Variants in TRAPPC10 observed in about 807,000 individuals in gnomAD.
TRAPPC10 encodes the protein TRAPP 130 kDa subunit.
TRAPPC10 carries 23 observed loss-of-function variants against 125.5 expected under a neutral mutation model. That is an observed-to-expected ratio of 0.18 (90% CI 0.13 to 0.26). The LOEUF (loss-of-function observed/expected upper bound fraction) is 0.26, where lower values mean the gene tolerates loss of function less well. Ranked by LOEUF, TRAPPC10 falls within the 10% of genes least tolerant of loss-of-function variation. The pLI, the probability that TRAPPC10 is intolerant of heterozygous loss-of-function variation, is 1.00. For synonymous variants in TRAPPC10, 509 were observed against 518.0 expected, an observed-to-expected ratio of 0.98 and a Z score of 0.24; for missense variants, 1,123 against 1,308.4, an observed-to-expected ratio of 0.86 and a Z score of 2.19.
chr21:44,087,767 GC>G lies in TRAPPC10; in HGVS notation c.2609del (p.Ala870GlyfsTer6). 6.2e-7 allele frequency: 1 copy of G among 1,614,222 alleles called. No homozygotes were observed. The highest frequency in any genetic ancestry group is 8.5e-7 in the Non-Finnish European group (1 of 1,180,048). ...GGTCACGAGCATCAGTCTGCCTGTT[GC>G]GCCTGCGTACCACGTGATCGAATTT... ...DKVTSISLPV[A>X]PAYHVIEFEL... On this transcript the variant is annotated frameshift_variant, in exon 17 of 23. Transcript: ENST00000291574. LOFTEE classifies it high-confidence loss of function. This position sits in a 1 kb window ranked among gnomAD's most constrained non-coding sequence, Gnocchi z 4.6.
intron 6 of TRAPPC10, chr21:44,062,920 G>GGA: frequency 8.0e-7 from 1 of 1,251,666 alleles, no homozygotes; most frequent in Non-Finnish European, 1.0e-6. Flanking sequence ...ACATTGTTAT[G>GGA]CTTATTTTAA....
Position 44,059,210 on chromosome 21 carries a change from CG to C in TRAPPC10, c.790+1del. On this transcript the variant is annotated frameshift_variant, in exon 6 of 23. Coordinates refer to ENST00000291574, the MANE Select transcript of TRAPPC10 (RefSeq NM_003274.5). LOFTEE classifies it high-confidence loss of function. This position sits in a 1 kb window ranked among gnomAD's most constrained non-coding sequence, Gnocchi z 4.4. ...FSQYVVNFGA[G>X]DGANWLTFFC... ...CTCAGTATGTGGTCAACTTCGGGGC[CG>C]GGGGTGAGTAGTGGCACTTCAGTAA... 2 of 1,604,124 alleles carry C rather than the reference CG, an allele frequency of 1.2e-6. No individual in the cohort carries two copies. The highest frequency in any genetic ancestry group is 1.7e-6 in the Non-Finnish European group (2 of 1,175,910).
chr21:44,041,992 A>T (rs950529112), intron 3 of TRAPPC10, among the ~76,000 whole-genome samples: 1 of 152,172 alleles, frequency 6.6e-6, no homozygotes, highest in African/African-American at 2.4e-5. Flanking sequence ...GATTACAGGC[A>T]TGAACCACGG....
At chr21:44,041,246 T>C (rs1156619884) in intron 3 of TRAPPC10, among the ~76,000 whole-genome samples, 1 of 152,356 alleles carries the variant, frequency 6.6e-6, no homozygotes, top group East Asian at 1.9e-4. Context: ...GGTACTTTTT[T>C]GTAACTCTTT....
intron 1 of TRAPPC10, 67 bp from the exon 2 acceptor site, chr21:44,032,024 C>A: frequency 7.6e-7 from 1 of 1,310,668 alleles, no homozygotes; most frequent in Non-Finnish European, 1.1e-6. Flanking sequence ...ATTTATTAAG[C>A]TCTAGAGCCA....
intron 3 of TRAPPC10, among the ~76,000 whole-genome samples, chr21:44,044,658 G>GTT (rs1569161620): frequency 7.8e-6 from 1 of 127,596 alleles, no homozygotes; most frequent in African/African-American, 3.2e-5. Context: ...AGAAAATCAT[G>GTT]TCTTTTTTTT....
intron 1 of TRAPPC10, among the ~76,000 whole-genome samples, chr21:44,014,906 A>G (rs1253451067): frequency 6.6e-6 from 1 of 152,128 alleles, no homozygotes; most frequent in Non-Finnish European, 1.5e-5. Flanking sequence ...TCCCACTTGA[A>G]ATTATGTTGT....
chr21:44,080,157 A>G (rs1434214224), intron 13 of TRAPPC10, 30 bp downstream of exon 13: 1 of 1,541,210 alleles, frequency 6.5e-7, no homozygotes, highest in East Asian at 2.2e-5. Flanking sequence ...CTTGACTAGG[A>G]ATATTTTCAA....
chr21:44,057,935 T>C (rs2035732813), intron 5 of TRAPPC10, among the ~76,000 whole-genome samples: 1 of 152,316 alleles, frequency 6.6e-6, no homozygotes, highest in African/African-American at 2.4e-5. Context: ...CTCCTGGTCT[T>C]TACTTTTTAA....
Position 44,082,990 on chromosome 21 carries a change from G to A in TRAPPC10, c.1926G>A (p.Ala642=), listed in dbSNP as rs2037865491. The change falls in exon 14 of 23, where the codon GCG becomes GCA. Residue 642 remains alanine (A), a synonymous_variant. Transcript: ENST00000291574. This position sits in a 1 kb window ranked among gnomAD's most constrained non-coding sequence, Gnocchi z 4.4. ...AGAAAAACAGCTACCGGAAGACTGC[G>A]GAGTGGCTTACCAAGCACAAGACGT... ...SIEKNSYRKT[A]EWLTKHKTSN... The A allele has an allele frequency of 5.6e-6, 9 of 1,613,892 alleles. No homozygotes were observed. The highest frequency in any genetic ancestry group is 1.7e-5 in the Admixed American group (1 of 59,984).
intron 15 of TRAPPC10, among the ~76,000 whole-genome samples, chr21:44,086,351 TTAACCCAA>T (rs2038133085): frequency 6.6e-6 from 1 of 152,258 alleles, no homozygotes; most frequent in African/African-American, 2.4e-5. Context: ...CTGACTGTTC[TTAACCCAA>T]AAGCCCGTGG....
At chr21:44,089,777 T>TGGC in intron 17 of TRAPPC10, 56 bp from the exon 18 acceptor site, 1 of 1,379,218 alleles carries the variant, frequency 7.3e-7, no homozygotes, top group Non-Finnish European at 1.0e-6. Context: ...GCAGTGGTGG[T>TGGC]GGCTGTGCTG....
intron 7 of TRAPPC10, among the ~76,000 whole-genome samples, chr21:44,064,675 C>G (rs567302650): frequency 6.6e-6 from 1 of 151,902 alleles, no homozygotes; most frequent in Admixed American, 6.5e-5. Flanking sequence ...TTGATGGGGA[C>G]GGTGTTTCAT....
intron 6 of TRAPPC10, among the ~76,000 whole-genome samples, chr21:44,061,206 G>A (rs568774463): frequency 1.3e-5 from 2 of 151,996 alleles, no homozygotes; most frequent in East Asian, 1.9e-4. Context: ...GCGCCATCTC[G>A]GCTCACTGCA....
intron 1 of TRAPPC10, among the ~76,000 whole-genome samples, chr21:44,027,630 A>G (rs1307707827): frequency 6.6e-6 from 1 of 152,164 alleles, no homozygotes; most frequent in Admixed American, 6.5e-5. Flanking sequence ...TGGTTTCCAT[A>G]TGAGGGTTCA....
intron 1 of TRAPPC10, among the ~76,000 whole-genome samples, chr21:44,016,277 T>G (rs1286413815): frequency 1.3e-5 from 2 of 152,220 alleles, no homozygotes; most frequent in African/African-American, 4.8e-5. Context: ...TGAAATAGAC[T>G]TGGGTTTCTG....
At chr21:44,084,472 TA>T (rs1253300546) in intron 15 of TRAPPC10, among the ~76,000 whole-genome samples, 2 of 152,226 alleles carry the variant, frequency 1.3e-5, no homozygotes, top group Non-Finnish European at 2.9e-5. Context: ...TTTTCATGTT[TA>T]ATAAACATGG....
chr21:44,051,880 C>T lies in TRAPPC10; in HGVS notation c.286-400C>T, dbSNP rs74756128. On this transcript the variant is annotated intron_variant, in intron 3 of 22. Coordinates refer to ENST00000291574, the MANE Select transcript of TRAPPC10 (RefSeq NM_003274.5). Reference sequence around the variant, plus strand: ...CAGCTTGCCTCCTGAGATGAAGGCACGGCACACAGCAGGATGGCAGTCATG... The same window carrying T: ...CAGCTTGCCTCCTGAGATGAAGGCATGGCACACAGCAGGATGGCAGTCATG... 3.1e-4 allele frequency among the ~76,000 whole-genome samples: 47 copies of T among 152,292 alleles called. No homozygotes were observed. In the East Asian group the frequency reaches 7.5e-3, roughly 24 times the overall value.
Position 44,059,207 on chromosome 21 carries a change from G to T in TRAPPC10, c.783G>T (p.Gly261=). The part of the protein sequence containing the change: ...ALFSQYVVNF[G]AGDGANWLTF... The stretch of plus-strand genomic sequence containing the variant: ...TCTCTCAGTATGTGGTCAACTTCGG[G>T]GCCGGGGGTGAGTAGTGGCACTTCA... Residue 261 remains glycine (G), a synonymous_variant, in exon 6 of 23, where the codon GGG becomes GGT. Coordinates refer to ENST00000291574, the MANE Select transcript of TRAPPC10 (RefSeq NM_003274.5). The surrounding 1 kb of genome is among the most constrained non-coding windows in gnomAD (Gnocchi z 4.4). 1 of 1,604,392 alleles carries T rather than the reference G, an allele frequency of 6.2e-7. No individual in the cohort carries two copies. The highest frequency in any genetic ancestry group is 1.3e-5 in the African/African-American group (1 of 74,386).
Sources: allele counts gnomAD v4.1 joint callset (sites outside exome capture counted in the v4.1 genomes callset), GRCh38; gene constraint gnomAD v4.1.1; non-coding constraint Gnocchi (gnomAD v3.1); transcripts MANE v1.5; gene names NCBI Gene and HGNC (gene_info 2026-07-23, HGNC 2026-07-21).